Variants in PRKG1 observed in about 807,000 individuals in gnomAD.
PRKG1 encodes cGMP-dependent protein kinase 1.
In PRKG1, 35 loss-of-function variants were observed where a neutral mutation model predicts 88.1. The ratio of observed to expected loss-of-function variants is 0.40; its 90% CI spans 0.30 to 0.53. PRKG1 has a LOEUF of 0.53. PRKG1 is among the 20% of genes least tolerant of loss of function. PRKG1 has a pLI of 0.59. For missense variants in PRKG1, 540 were observed against 839.8 expected (o/e 0.64, Z 4.41); for synonymous variants, 303 against 292.5 (o/e 1.04, Z -0.37).
rs35237197 is a variant in PRKG1 at position 51,273,348 on chromosome 10, CAA to C, written c.478+120033_478+120034del. Reference sequence around the variant, plus strand: ...CAACATGACAAAACTCCATCTCTTCCAAAAAAAAAAAAAAAAGGCAAAAATTA... The same window carrying C: ...CAACATGACAAAACTCCATCTCTTCCAAAAAAAAAAAAAAGGCAAAAATTA... On this transcript the variant is annotated intron_variant, in intron 2 of 17. Coordinates refer to ENST00000373980, the MANE Select transcript of PRKG1 (RefSeq NM_006258.4). Among the ~76,000 whole-genome samples, 705 of 118,590 alleles carry C rather than the reference CAA, an allele frequency of 5.9e-3. 6 individuals carry two copies. Among genetic ancestry groups the C allele is most frequent in the African/African-American group, 0.02 (647 of 32,998 alleles). 77.8% of individuals were successfully genotyped at this position (118,590 alleles called of 152,430 possible). A position where few individuals can be genotyped will look rare whatever the true frequency, so the allele number is the denominator to read the frequency against.
rs115704925 is a variant in PRKG1 at position 52,060,557 on chromosome 10, G to A, written c.841-1980G>A. Among the ~76,000 whole-genome samples the A allele has an allele frequency of 1.0e-2, 1,517 of 151,740 alleles. 28 individuals are homozygous for A. The highest frequency in any genetic ancestry group is 0.034 in the African/African-American group (1,396 of 41,452). On this transcript the variant is annotated intron_variant, in intron 6 of 17. Transcript: ENST00000373980. ...AATCAAAAGAAGCACAAGTGGCTCA[G>A]AAAATAAGATGATAAAATCTCCCAC...
chr10:51,710,411 A>G (rs565395397), intron 3 of PRKG1, among the ~76,000 whole-genome samples: 1 of 152,202 alleles, frequency 6.6e-6, no homozygotes, highest in South Asian at 2.1e-4. Context: ...CCCGAATTCT[A>G]TCTACCTGTA....
chr10:51,930,782 C>T (rs1040000445), intron 5 of PRKG1, among the ~76,000 whole-genome samples: 3 of 151,916 alleles, frequency 2.0e-5, no homozygotes, highest in South Asian at 4.2e-4. Context: ...TCAGCCACTG[C>T]GCCTGGCCAA....
chr10:51,002,179 T>TA lies in PRKG1; in HGVS notation c.266+10547dup, dbSNP rs879340216. On this transcript the variant is annotated intron_variant, in intron 1 of 17. Transcript: ENST00000401604. ...AGAAATAATGGAAAATTAATAGTAG[T>TA]AAAAAAAAAAAAGTATGTGTGAGGA... 2.3e-3 allele frequency among the ~76,000 whole-genome samples: 332 copies of TA among 142,790 alleles called. 1 individual carries two copies. The highest frequency in any genetic ancestry group is 2.9e-3 in the African/African-American group (114 of 38,966). 93.7% of individuals were successfully genotyped at this position (142,790 alleles called of 152,430 possible). A position where few individuals can be genotyped will look rare whatever the true frequency, so the allele number is the denominator to read the frequency against.
chr10:51,736,874 A>AGTC (rs1288046114), intron 3 of PRKG1, among the ~76,000 whole-genome samples: 3 of 151,456 alleles, frequency 2.0e-5, no homozygotes, highest in African/African-American at 4.9e-5. Context: ...GGCCTCAAGC[A>AGTC]GTCCTCTCAC....
At chr10:51,785,738 T>G (rs1469620347) in intron 3 of PRKG1, among the ~76,000 whole-genome samples, 5 of 152,090 alleles carry the variant, frequency 3.3e-5, no homozygotes, top group African/African-American at 1.2e-4. Flanking sequence ...TGTCTGTATT[T>G]GAATAAACAT....
At chr10:51,183,628 CAACATATCAAGAT>C (rs1837409066) in intron 2 of PRKG1, among the ~76,000 whole-genome samples, 1 of 152,142 alleles carries the variant, frequency 6.6e-6, no homozygotes, top group South Asian at 2.1e-4. Context: ...TATGAAGCTT[CAACATATCAAGAT>C]AAACCAGGGA....
At chr10:51,625,214 A>C (rs1839304929) in intron 3 of PRKG1, among the ~76,000 whole-genome samples, 1 of 152,218 alleles carries the variant, frequency 6.6e-6, no homozygotes, top group African/African-American at 2.4e-5. Context: ...ATGGTGGCTT[A>C]TGCCTGTAAT....
At chr10:51,215,222 T>C (rs1264199768) in intron 2 of PRKG1, among the ~76,000 whole-genome samples, 1 of 152,234 alleles carries the variant, frequency 6.6e-6, no homozygotes, top group Non-Finnish European at 1.5e-5. Flanking sequence ...TTGCTGCTAA[T>C]TAATGGTGTC....
chr10:51,266,075 G>A (rs1200861737), intron 2 of PRKG1, among the ~76,000 whole-genome samples: 3 of 152,170 alleles, frequency 2.0e-5, no homozygotes, highest in African/African-American at 7.2e-5. Context: ...AAGTTCTCAG[G>A]TGATGCTGAT....
At chr10:51,254,616 G>T (rs1304216664) in intron 2 of PRKG1, among the ~76,000 whole-genome samples, 1 of 152,020 alleles carries the variant, frequency 6.6e-6, no homozygotes, top group Non-Finnish European at 1.5e-5. Context: ...TTTCCTTAGA[G>T]AATTTGGATT....
At chr10:51,013,685 C>T (rs987673887) in intron 1 of PRKG1, among the ~76,000 whole-genome samples, 8 of 152,116 alleles carry the variant, frequency 5.3e-5, no homozygotes, top group Non-Finnish European at 8.8e-5. Flanking sequence ...CCACTGCGCC[C>T]GGCCCTGTAA....
At chr10:51,056,723 A>G (rs1046107039) in intron 1 of PRKG1, among the ~76,000 whole-genome samples, 6 of 152,098 alleles carry the variant, frequency 3.9e-5, no homozygotes, top group South Asian at 2.1e-4. Context: ...TGTCAGTTTG[A>G]CATTCCAAGA....
chr10:51,957,827 G>A (rs564329319), intron 5 of PRKG1, among the ~76,000 whole-genome samples: 2 of 152,202 alleles, frequency 1.3e-5, no homozygotes, highest in African/African-American at 4.8e-5. Context: ...TAATAGTGTA[G>A]GACATATAGT....
chr10:52,280,667 C>G (rs1186114870), intron 12 of PRKG1, 122 bp from the exon 13 acceptor site: 6 of 1,014,392 alleles, frequency 5.9e-6, no homozygotes, highest in Non-Finnish European at 5.8e-6. Context: ...ATTTAGCTAG[C>G]AGGACAGTGA....
intron 4 of PRKG1, among the ~76,000 whole-genome samples, chr10:51,842,350 G>A (rs999932625): frequency 4.6e-5 from 7 of 152,150 alleles, no homozygotes; most frequent in Non-Finnish European, 1.0e-4. Flanking sequence ...AGTGTTATGA[G>A]GACACATTCT....
At chr10:51,270,709 A>G (rs754977851) in intron 2 of PRKG1, among the ~76,000 whole-genome samples, 1 of 152,074 alleles carries the variant, frequency 6.6e-6, no homozygotes, top group Non-Finnish European at 1.5e-5. Context: ...CCTTTCCATG[A>G]CTTGTGAGCT....
chr10:51,295,433 T>A (rs982654497), intron 2 of PRKG1, among the ~76,000 whole-genome samples: 1 of 152,152 alleles, frequency 6.6e-6, no homozygotes, highest in Non-Finnish European at 1.5e-5. Context: ...TTAGATAGTT[T>A]GTTGTTTGTG....
intron 3 of PRKG1, among the ~76,000 whole-genome samples, chr10:51,514,548 A>T (rs1048222634): frequency 1.3e-5 from 2 of 152,218 alleles, no homozygotes; most frequent in African/African-American, 4.8e-5. Context: ...AGCATGGTAA[A>T]TATGCTTCTT....
Sources: allele counts gnomAD v4.1 joint callset (sites outside exome capture counted in the v4.1 genomes callset), GRCh38; gene constraint gnomAD v4.1.1; transcripts MANE v1.5; gene names NCBI Gene and HGNC (gene_info 2026-07-23, HGNC 2026-07-21).